HIBADH: variants seen among roughly 807,000 people sequenced by gnomAD.
HIBADH encodes the protein 3-hydroxyisobutyrate dehydrogenase.
In HIBADH, 25 loss-of-function variants were observed where a neutral mutation model predicts 36.1. The ratio of observed to expected loss-of-function variants is 0.69; its 90% CI spans 0.50 to 0.97. HIBADH has a LOEUF of 0.97. Among genes scored for constraint, HIBADH ranks in the 50% least tolerant of loss-of-function variants. HIBADH has a pLI of 0.00. For synonymous variants in HIBADH, 160 were observed against 149.5 expected, an observed-to-expected ratio of 1.07 and a Z score of -0.51; for missense variants, 421 against 418.0, an observed-to-expected ratio of 1.01 and a Z score of -0.06.
chr7:27,630,356 A>G (rs142148464), intron 3 of HIBADH, among the ~76,000 whole-genome samples: 50 of 152,148 alleles, frequency 3.3e-4, no homozygotes, highest in Non-Finnish European at 5.4e-4. Flanking sequence ...GTCCAGGCTG[A>G]TCTTGAACTC....
chr7:27,526,259 G>A lies in HIBADH; in HGVS notation c.966C>T (p.Asp322=), dbSNP rs754422433. The change falls in exon 8 of 8, where the codon GAC becomes GAT. Residue 322 remains aspartate, a synonymous_variant. Coordinates refer to ENST00000265395, the MANE Select transcript of HIBADH (RefSeq NM_152740.4). ...GTAGGAACTGGAACACGGATGAGAA[G>A]TCTTTCTTTGAGTAGCCCTTTGCAC... ...MMCAKGYSKK[D]FSSVFQFLRE... is the part of the protein sequence containing the mutation. The A allele has an allele frequency of 6.2e-7, 1 of 1,613,122 alleles. No individual in the cohort carries two copies. The highest frequency in any genetic ancestry group is 1.7e-5 in the Admixed American group (1 of 59,880).
intron 2 of HIBADH, among the ~76,000 whole-genome samples, chr7:27,634,038 C>T (rs914124914): frequency 6.6e-6 from 1 of 152,124 alleles, no homozygotes; most frequent in African/African-American, 2.4e-5. Flanking sequence ...TTTCAGTTTT[C>T]CACAAGAGAC....
In HIBADH at chr7:27,638,308, C is replaced by CAAAAAAAAA. The variant is rs368715218; in HGVS notation, c.253-5872_253-5864dup. Among the ~76,000 whole-genome samples, 299 of 55,410 alleles carry CAAAAAAAAA rather than the reference C, an allele frequency of 5.4e-3. 11 individuals carry two copies. Among genetic ancestry groups the CAAAAAAAAA allele is most frequent in the African/African-American group, 0.014 (182 of 13,408 alleles). 36.4% of individuals were successfully genotyped at this position (55,410 alleles called of 152,430 possible). The stretch of plus-strand genomic sequence containing the variant: ...ATACCCATCTGATCTTTGGCAAAGT[C>CAAAAAAAAA]AAAAAAAAAAAAAAAAAAAAAACAA... On this transcript the variant is annotated intron_variant, in intron 2 of 7. Transcript: ENST00000265395.
chr7:27,525,550 A>G lies in HIBADH; in HGVS notation c.*664T>C, dbSNP rs1329801811. On this transcript the variant is annotated 3_prime_UTR_variant, in exon 8 of 8. Coordinates refer to ENST00000265395, the MANE Select transcript of HIBADH (RefSeq NM_152740.4). The stretch of plus-strand genomic sequence containing the variant: ...CATTGGCTCTGAAATGCATCTAAAG[A>G]TGTCATTCTTAAGTCAAAAAATACG... 4 of 152,214 alleles carry G rather than the reference A, an allele frequency of 2.6e-5. No homozygotes were observed. The highest frequency in any genetic ancestry group is 5.9e-5 in the Non-Finnish European group (4 of 68,038). The allele number at this position is 152,214 out of a possible 1,614,324, so 9.4% of individuals were successfully genotyped here.
intron 6 of HIBADH, among the ~76,000 whole-genome samples, chr7:27,537,087 A>G (rs944725748): frequency 2.6e-5 from 4 of 152,176 alleles, no homozygotes; most frequent in Non-Finnish European, 5.9e-5. Context: ...TTCAATTATG[A>G]TAAGTGACCC....
intron 7 of HIBADH, among the ~76,000 whole-genome samples, chr7:27,527,918 GTTT>G (rs746260280): frequency 1.6e-5 from 1 of 61,704 alleles, no homozygotes. Flanking sequence ...CACACCCAGC[GTTT>G]TTTTTTTTTT....
intron 4 of HIBADH, among the ~76,000 whole-genome samples, chr7:27,557,445 T>A (rs1421985222): frequency 6.6e-6 from 1 of 152,210 alleles, no homozygotes; most frequent in Non-Finnish European, 1.5e-5. Context: ...AGTTACATAT[T>A]GTCTTAGTCT....
chr7:27,649,467 T>TC lies in HIBADH; in HGVS notation c.252+5dup. 1 of 1,600,058 alleles carries TC rather than the reference T, an allele frequency of 6.2e-7. No homozygotes were observed. Among genetic ancestry groups the TC allele is most frequent in the Non-Finnish European group, 8.5e-7 (1 of 1,173,234 alleles). On this transcript the variant is annotated splice_donor_region_variant and intron_variant, in intron 2 of 7. Transcript: ENST00000265395. ...ATCTAAAACAAATCTAAAGAAAAGGTCTTACCTGTTCACCTGCATCTTGAA... is the reference window on the plus strand; with the variant it reads ...ATCTAAAACAAATCTAAAGAAAAGGTCCTTACCTGTTCACCTGCATCTTGAA...
chr7:27,655,597 T>A (rs1047622336), intron 1 of HIBADH, among the ~76,000 whole-genome samples: 5 of 151,926 alleles, frequency 3.3e-5, no homozygotes, highest in African/African-American at 1.2e-4. Context: ...CACAAACAGA[T>A]AAAATACAAA....
intron 4 of HIBADH, among the ~76,000 whole-genome samples, chr7:27,552,966 A>G (rs1784338420): frequency 6.6e-6 from 1 of 152,222 alleles, no homozygotes; most frequent in Non-Finnish European, 1.5e-5. Context: ...TAAGAAAACA[A>G]AAGCAAGGGA....
chr7:27,600,710 T>C (rs1785115862), intron 4 of HIBADH, among the ~76,000 whole-genome samples: 1 of 152,148 alleles, frequency 6.6e-6, no homozygotes, highest in Admixed American at 6.5e-5. Context: ...GAAAAGGTCT[T>C]CAGACACTAC....
chr7:27,540,187 G>C (rs762725789), intron 5 of HIBADH, among the ~76,000 whole-genome samples: 1 of 152,166 alleles, frequency 6.6e-6, no homozygotes, highest in African/African-American at 2.4e-5. Context: ...TTCAGTGTCT[G>C]TATCAGAGAA....
Position 27,576,104 on chromosome 7 carries a change from C to T in HIBADH, c.485-33004G>A, listed in dbSNP as rs529475976. Among the ~76,000 whole-genome samples, 162 of 152,232 alleles carry T rather than the reference C, an allele frequency of 1.1e-3. No homozygotes were observed. The South Asian group carries it at 0.014, about 13-fold the overall frequency. ...AAAGGAGGGAAGGAAAGAAATAAGA[C>T]AGCAGAGAAAGGGATGGGAGCAACG... On this transcript the variant is annotated intron_variant, in intron 4 of 7. Transcript: ENST00000265395.
At chr7:27,636,904 T>C (rs1157074300) in intron 2 of HIBADH, among the ~76,000 whole-genome samples, 1 of 152,244 alleles carries the variant, frequency 6.6e-6, no homozygotes, top group Non-Finnish European at 1.5e-5. Context: ...AGTTTGGTTT[T>C]AATTTGTATC....
At chr7:27,578,161 C>T (rs1420592392) in intron 4 of HIBADH, among the ~76,000 whole-genome samples, 1 of 152,128 alleles carries the variant, frequency 6.6e-6, no homozygotes, top group Non-Finnish European at 1.5e-5. Context: ...GAGCTGAAGA[C>T]ATTACTTAAG....
chr7:27,657,932 CA>C (rs1786336465), intron 1 of HIBADH, among the ~76,000 whole-genome samples: 1 of 152,076 alleles, frequency 6.6e-6, no homozygotes, highest in African/African-American at 2.4e-5. Context: ...GTGCCTGGCA[CA>C]CGATTGATAA....
In HIBADH at chr7:27,525,870, T is replaced by C. The variant is rs1424810017; in HGVS notation, c.*344A>G. The stretch of plus-strand genomic sequence containing the variant: ...CTTTCCTTTAAGATGGGTTTCATCC[T>C]GTTGACAAAAGATTTGGTTTTATTT... On this transcript the variant is annotated 3_prime_UTR_variant, in exon 8 of 8. Coordinates refer to ENST00000265395, the MANE Select transcript of HIBADH (RefSeq NM_152740.4). 1 of 156,520 alleles carries C rather than the reference T, an allele frequency of 6.4e-6. No homozygotes were observed. Among genetic ancestry groups the C allele is most frequent in the African/African-American group, 2.4e-5 (1 of 41,596 alleles). The allele number at this position is 156,520 out of a possible 1,614,324, so 9.7% of individuals were successfully genotyped here.
Position 27,626,104 on chromosome 7 carries a change from GAAA to G in HIBADH, c.484+3264_484+3266del, listed in dbSNP as rs70994672. Among the ~76,000 whole-genome samples the G allele has an allele frequency of 1.2e-3, 87 of 72,504 alleles. 1 individual carries two copies. The highest frequency in any genetic ancestry group is 2.8e-3 in the South Asian group (4 of 1,436). The allele number at this position is 72,504 out of a possible 152,430, so 47.6% of individuals were successfully genotyped here. ...GGTGACACAGTGAGACTCCGTCTCA[GAAA>G]AAAAAAAAAAAAAAAAAAAGATGTA... is the stretch of plus-strand genomic sequence containing the variant. On this transcript the variant is annotated intron_variant, in intron 4 of 7. Transcript: ENST00000265395.
At chr7:27,548,213 A>C (rs758884583) in intron 4 of HIBADH, among the ~76,000 whole-genome samples, 18 of 150,268 alleles carry the variant, frequency 1.2e-4, no homozygotes, top group Non-Finnish European at 2.2e-4. Context: ...AAAAAAAAGT[A>C]TCATAGAGGA....
Sources: allele counts gnomAD v4.1 joint callset (sites outside exome capture counted in the v4.1 genomes callset), GRCh38; gene constraint gnomAD v4.1.1; transcripts MANE v1.5; gene names NCBI Gene and HGNC (gene_info 2026-07-23, HGNC 2026-07-21).